The following TEP1 variants were observed in gnomAD, a reference collection of about 807,000 sequenced individuals.
TEP1 encodes telomerase protein component 1.
Under a neutral mutation model 306.3 loss-of-function variants are expected in TEP1, and 241 were observed. The observed-to-expected ratio is 0.79, with a 90% CI of 0.71 to 0.88. TEP1 has a LOEUF of 0.88. Ranked by LOEUF, TEP1 falls within the 40% of genes least tolerant of loss-of-function variation. TEP1 has a pLI of 0.00. For missense variants in TEP1, 3,051 were observed against 3,276.1 expected (o/e 0.93, Z 1.68); for synonymous variants, 1,289 against 1,305.5 (o/e 0.99, Z 0.27).
intron 15 of TEP1, 38 bp from the exon 16 acceptor site, chr14:20,389,778 T>G: frequency 6.2e-7 from 1 of 1,612,128 alleles, no homozygotes; most frequent in Non-Finnish European, 8.5e-7. Context: ...AGAGAAGGGA[T>G]GCTAGACAGC....
intron 1 of TEP1, among the ~76,000 whole-genome samples, chr14:20,410,715 C>T (rs1296664984): frequency 6.7e-6 from 1 of 150,262 alleles, no homozygotes; most frequent in East Asian, 2.0e-4. Context: ...GCTGGGATTA[C>T]AGGTGTGAGC....
intron 1 of TEP1, 179 bp downstream of exon 1, chr14:20,413,226 G>A (rs1280991269): frequency 1.3e-5 from 2 of 152,122 alleles, no homozygotes; most frequent in Non-Finnish European, 2.9e-5. Flanking sequence ...GAGCCGCCGG[G>A]AGGAGCAGGG....
At position 20,377,750 on chromosome 14, in the gene TEP1, G is replaced by A. The variant is rs780590612; in HGVS notation, c.5725C>T (p.Gln1909Ter). The A allele has an allele frequency of 1.6e-5, 26 of 1,613,010 alleles. No homozygotes were observed. In the Admixed American group the frequency reaches 2.0e-4, roughly 12 times the overall value. Residue 1909 changes from glutamine to a stop codon, truncating the protein, a stop_gained, in exon 40 of 55, where the codon CAG becomes TAG. Transcript: ENST00000262715. LOFTEE classifies it high-confidence loss of function. ...LLTAGEDGKV[Q>*]VWSGSLGRPR... is the part of the protein sequence containing the mutation. ...CGACCCAGAGACCCTGACCACACCT[G>A]AACCTGGGAACCAAGAAAAGGGCTT...
intron 11 of TEP1, 87 bp from the exon 12 acceptor site, chr14:20,395,714 T>C: frequency 6.5e-7 from 1 of 1,535,528 alleles, no homozygotes. Flanking sequence ...GCCCCAACCC[T>C]TGGGGCTGGC....
intron 51 of TEP1, among the ~76,000 whole-genome samples, chr14:20,370,119 G>T (rs1239489928): frequency 6.6e-6 from 1 of 152,132 alleles, no homozygotes; most frequent in African/African-American, 2.4e-5. Context: ...TCACCATGTG[G>T]GCCAGGCTGG....
At position 20,377,607 on chromosome 14, in the gene TEP1, G is replaced by C. The variant is rs761457056; in HGVS notation, c.5868C>G (p.Ile1956Met). ...YRADGIRIYKISSGSQGAQGQ... is the reference protein window; with the variant it reads ...YRADGIRIYKMSSGSQGAQGQ... ...CCATTCCCATTTCAGTACCTGAAGAGATTTTGTAGATCCTAATGCCATCCG... is the reference window on the plus strand; with the variant it reads ...CCATTCCCATTTCAGTACCTGAAGACATTTTGTAGATCCTAATGCCATCCG... The change falls in exon 40 of 55, where the codon ATC (isoleucine) becomes ATG (methionine). Residue 1956 changes from isoleucine to methionine, a missense_variant. Ile to Met is a conservative substitution (Grantham distance 10, BLOSUM62 1). This residue lies in a region of TEP1 where 1,540 missense variants were observed against 1,705.9 expected (regional missense o/e 0.90). Transcript: ENST00000262715. 1.4e-5 allele frequency: 23 copies of C among 1,614,048 alleles called. No individual in the cohort carries two copies. The highest frequency in any genetic ancestry group is 1.7e-5 in the Non-Finnish European group (20 of 1,180,034).
At position 20,376,236 on chromosome 14, in the gene TEP1, C is replaced by T; in HGVS notation, c.6117G>A (p.Arg2039=). The change falls in exon 42 of 55, where the codon AGG becomes AGA. Residue 2039 remains arginine, a synonymous_variant. Transcript: ENST00000262715. The part of the protein sequence containing the change: ...SEDFTVQLWP[R]QLLTRPHKAE... ...CCTTGTGTGGCCGCGTCAGCAGCTGCCTTGGCCACAGCTGCACTGTGAAAT... is the reference window on the plus strand; with the variant it reads ...CCTTGTGTGGCCGCGTCAGCAGCTGTCTTGGCCACAGCTGCACTGTGAAAT... 6.2e-7 allele frequency: 1 copy of T among 1,614,100 alleles called. No individual in the cohort carries two copies. The highest frequency in any genetic ancestry group is 8.5e-7 in the Non-Finnish European group (1 of 1,180,004).
In TEP1 at chr14:20,401,572, C is replaced by G. The variant is rs1424580316; in HGVS notation, c.1276G>C (p.Ala426Pro). The G allele has an allele frequency of 6.2e-7, 1 of 1,614,096 alleles. No homozygotes were observed. Among genetic ancestry groups the G allele is most frequent in the East Asian group, 2.2e-5 (1 of 44,874 alleles). ...TTTTTCTCTGACACTGTATCACCGG[C>G]CTTCTCAAACTGTGGAAACATCCCC... ...LREEQRKFEKAGDTVSEKKNP... is the reference protein window; with the variant it reads ...LREEQRKFEKPGDTVSEKKNP... The change falls in exon 8 of 55, where the codon GCC becomes CCC. Residue 426 changes from alanine (A) to proline (P), a missense_variant. Ala to Pro is a conservative substitution (Grantham distance 27). Transcript: ENST00000262715.
rs1019809720 is a variant in TEP1 at position 20,375,752 on chromosome 14, C to T, written c.6363+3G>A. ...TCTGTGCCACCCCTGGCCCTTTACT[C>T]ACCAGTAGGTTATCTTTGGTCCAGG... is the stretch of plus-strand genomic sequence containing the variant. On this transcript the variant is annotated splice_donor_region_variant and intron_variant, in intron 43 of 54. Transcript: ENST00000262715. 34 of 1,609,346 alleles carry T rather than the reference C, an allele frequency of 2.1e-5. No homozygotes were observed. The highest frequency in any genetic ancestry group is 5.3e-5 in the African/African-American group (4 of 74,822).
chr14:20,383,477 C>T lies in TEP1; in HGVS notation c.3867+11G>A. ...CCTGCCTCCCGACACCCACCTCCTTCTCACACTCACCCGGGGAAGCTTCTT... is the reference window on the plus strand; with the variant it reads ...CCTGCCTCCCGACACCCACCTCCTTTTCACACTCACCCGGGGAAGCTTCTT... On this transcript the variant is annotated intron_variant, in intron 26 of 54. Transcript: ENST00000262715. The T allele has an allele frequency of 6.2e-7, 1 of 1,614,136 alleles. No individual in the cohort carries two copies. The highest frequency in any genetic ancestry group is 1.3e-5 in the African/African-American group (1 of 75,062).
At chr14:20,386,719 C>T in intron 18 of TEP1, 96 bp from the exon 19 acceptor site, 2 of 1,314,182 alleles carry the variant, frequency 1.5e-6, no homozygotes, top group Non-Finnish European at 2.0e-6. Flanking sequence ...TGAGCACAAG[C>T]CAGGTACGAC....
chr14:20,413,080 A>G (rs1217794946), intron 1 of TEP1, among the ~76,000 whole-genome samples: 2 of 152,040 alleles, frequency 1.3e-5, no homozygotes, highest in Non-Finnish European at 2.9e-5. Flanking sequence ...TCCCCTTTCG[A>G]TGGGCACACA....
chr14:20,369,152 C>T lies in TEP1; in HGVS notation c.7656+192G>A, dbSNP rs939825819. On this transcript the variant is annotated intron_variant, in intron 53 of 54. Transcript: ENST00000262715. ...ACTCCCGAGTAGCTGGGACTACAGG[C>T]ACCCGCCACCACGCCCAGCTAATTT... is the stretch of plus-strand genomic sequence containing the variant. Among the ~76,000 whole-genome samples the T allele has an allele frequency of 2.6e-5, 4 of 152,140 alleles. No individual in the cohort carries two copies. The East Asian group carries it at 7.7e-4, about 29-fold the overall frequency.
chr14:20,384,082 T>C lies in TEP1; in HGVS notation c.3490A>G (p.Ser1164Gly), dbSNP rs1566457513. ...QRLMLPHGRL[S>G]LVTGQSGQGK... is the part of the protein sequence containing the mutation. ...TGTCCTGACTGCCCCGTCACCAGGC[T>C]CAGCCTTCCGTGGGGCAGCATCAGC... The change falls in exon 24 of 55, where the codon AGC (serine) becomes GGC (glycine). Residue 1164 changes from serine (S) to glycine (G), a missense_variant. Around this residue, in one of 3 missense-constraint regions of TEP1, gnomAD observed 1,507 missense variants for 1,550.5 expected, o/e 0.97. Coordinates refer to ENST00000262715, the MANE Select transcript of TEP1 (RefSeq NM_007110.5). The C allele has an allele frequency of 6.2e-7, 1 of 1,613,674 alleles. No individual in the cohort carries two copies. Among genetic ancestry groups the C allele is most frequent in the East Asian group, 2.2e-5 (1 of 44,864 alleles).
intron 49 of TEP1, 37 bp downstream of exon 49, chr14:20,372,696 G>A (rs201109558): frequency 3.7e-6 from 6 of 1,613,402 alleles, no homozygotes; most frequent in Middle Eastern, 1.6e-4. Context: ...TGAGGAGACT[G>A]CTGTTTCTAT....
In TEP1 at chr14:20,386,567, C is replaced by G. The variant is rs1484333298; in HGVS notation, c.2741G>C (p.Arg914Pro). ...SSTFRDMHGE[R>P]DLLLRSVLPA... ...CAGCACAGACCTCAGCAGCAGGTCCCGCTCCCCATGCATGTCTCGGAAAGT... is the reference window on the plus strand; with the variant it reads ...CAGCACAGACCTCAGCAGCAGGTCCGGCTCCCCATGCATGTCTCGGAAAGT... Residue 914 changes from arginine to proline, a missense_variant, in exon 19 of 55, where the codon CGG (arginine) becomes CCG (proline). By Grantham distance (103) the Arg-to-Pro change is moderately radical (BLOSUM62 -2). Transcript: ENST00000262715. The G allele has an allele frequency of 6.2e-7, 1 of 1,611,642 alleles. No homozygotes were observed. Among genetic ancestry groups the G allele is most frequent in the Non-Finnish European group, 8.5e-7 (1 of 1,178,450 alleles).
chr14:20,411,762 C>A (rs1221634149), intron 1 of TEP1, among the ~76,000 whole-genome samples: 1 of 152,004 alleles, frequency 6.6e-6, no homozygotes, highest in African/African-American at 2.4e-5. Flanking sequence ...CCAGGATCTC[C>A]ATAAACTGAA....
chr14:20,389,444 G>A, intron 16 of TEP1, 147 bp from the exon 17 acceptor site: 2 of 1,413,152 alleles, frequency 1.4e-6, no homozygotes, highest in South Asian at 1.2e-5. Flanking sequence ...CTCTCACAGA[G>A]GGGTACAGAG....
chr14:20,392,504 T>C (rs1478867325), intron 12 of TEP1, among the ~76,000 whole-genome samples: 4 of 152,194 alleles, frequency 2.6e-5, no homozygotes, highest in Admixed American at 2.6e-4. Flanking sequence ...GAAAAACAAG[T>C]TAGATGACAT....
Sources: gnomAD v4.1 joint callset for allele counts (sites outside exome capture counted in the v4.1 genomes callset) on GRCh38, gnomAD v4.1.1 for gene constraint, gnomAD v4.1.1 regional missense constraint, MANE v1.5 for transcripts, NCBI Gene and HGNC (gene_info 2026-07-23, HGNC 2026-07-21) for gene names.